The following TBL1X variants were observed in gnomAD, a reference collection of about 807,000 sequenced individuals.
The protein encoded by TBL1X is transducin beta like 1 X-linked.
In TBL1X, 10 loss-of-function variants were observed where a neutral mutation model predicts 50.7. That is an observed-to-expected ratio of 0.20 (90% CI 0.12 to 0.33). TBL1X has a LOEUF of 0.33. TBL1X is among the 10% of genes least tolerant of loss of function. The pLI, the probability that TBL1X is intolerant of heterozygous loss-of-function variation, is 1.00. For synonymous variants in TBL1X, 190 were observed against 214.7 expected (o/e 0.88, Z 1.01); for missense variants, 340 against 504.4 (o/e 0.67, Z 3.12).
chrX:9,703,810 C>G (rs1314062774), intron 12 of TBL1X, among the ~76,000 whole-genome samples: 3 of 112,101 alleles, frequency 2.7e-5, no homozygotes, highest in Non-Finnish European at 5.6e-5. Context: ...CAACCTGCAG[C>G]TGCACATCAG....
chrX:9,638,980 T>C (rs184477934), intron 2 of TBL1X, among the ~76,000 whole-genome samples: 304 of 111,949 alleles, frequency 2.7e-3, no homozygotes, highest in African/African-American at 9.2e-3. Flanking sequence ...CCTGCTTCCC[T>C]GGTGCCCTTT....
chrX:9,571,977 A>G (rs2082388694), intron 2 of TBL1X, among the ~76,000 whole-genome samples: 1 of 112,101 alleles, frequency 8.9e-6, no homozygotes, highest in Non-Finnish European at 1.9e-5. Flanking sequence ...TTGTTTATCC[A>G]TTCATGCATC....
At chrX:9,709,199 C>T in intron 13 of TBL1X, 49 bp from the exon 14 acceptor site, 1 of 1,167,274 alleles carries the variant, frequency 8.6e-7, no homozygotes. Context: ...GTGACCTCAT[C>T]TACTCACAGG....
At chrX:9,661,161 C>T (rs1346596442) in intron 5 of TBL1X, among the ~76,000 whole-genome samples, 2 of 112,690 alleles carry the variant, frequency 1.8e-5, no homozygotes, top group Non-Finnish European at 3.7e-5. Context: ...TGAAGTAGTA[C>T]ATCCACATGC....
intron 5 of TBL1X, among the ~76,000 whole-genome samples, chrX:9,672,087 A>G (rs1438755316): frequency 8.9e-6 from 1 of 112,736 alleles, no homozygotes; most frequent in Non-Finnish European, 1.9e-5. Context: ...TTGTTTAAGT[A>G]TACATCTTGT....
chrX:9,611,630 G>T (rs2082614262), intron 2 of TBL1X, among the ~76,000 whole-genome samples: 1 of 112,312 alleles, frequency 8.9e-6, no homozygotes, highest in Admixed American at 9.4e-5. Context: ...AGGGGATTTA[G>T]TATAACAATA....
At position 9,520,100 on chromosome X, in the gene TBL1X, A is replaced by G. The variant is rs745359273; in HGVS notation, c.-131+18251A>G. Among the ~76,000 whole-genome samples the G allele has an allele frequency of 3.6e-5, 4 of 111,850 alleles. No homozygotes were observed. In the East Asian group the frequency reaches 8.4e-4, roughly 24 times the overall value. On this transcript the variant is annotated intron_variant, in intron 2 of 17. Transcript: ENST00000645353. ...TTACTGTAATCTTCCTTCGTCATTG[A>G]ACGATTTCATCTGCCCCTGGTTTCC...
intron 2 of TBL1X, among the ~76,000 whole-genome samples, chrX:9,523,597 A>C (rs1234158237): frequency 4.5e-5 from 5 of 112,299 alleles, no homozygotes; most frequent in Non-Finnish European, 9.4e-5. Flanking sequence ...GACTCTCTCA[A>C]AACACCAGTG....
At chrX:9,691,548 G>A (rs1248792790) in intron 7 of TBL1X, 31 bp from the exon 8 acceptor site, 1 of 1,204,054 alleles carries the variant, frequency 8.3e-7, no homozygotes, top group East Asian at 3.0e-5. Context: ...GTATTGGTAA[G>A]CCACTTGTCT....
At chrX:9,478,278 C>T (rs1032255636) in intron 1 of TBL1X, among the ~76,000 whole-genome samples, 3 of 110,908 alleles carry the variant, frequency 2.7e-5, no homozygotes, top group Non-Finnish European at 5.7e-5. Context: ...GACCCCAGGG[C>T]ACACACCCCC....
chrX:9,472,524 T>A (rs2081823088), intron 1 of TBL1X, among the ~76,000 whole-genome samples: 1 of 107,850 alleles, frequency 9.3e-6, no homozygotes, highest in Non-Finnish European at 1.9e-5. Flanking sequence ...GCACCTGGAC[T>A]CAAGCAATCT....
intron 2 of TBL1X, among the ~76,000 whole-genome samples, chrX:9,587,672 C>T (rs1012406930): frequency 1.8e-5 from 2 of 111,128 alleles, no homozygotes; most frequent in African/African-American, 3.3e-5. Context: ...ATACAATTCA[C>T]GCATTTGCAG....
chrX:9,608,823 G>A (rs774125196), intron 2 of TBL1X, among the ~76,000 whole-genome samples: 1 of 112,174 alleles, frequency 8.9e-6, no homozygotes, highest in Non-Finnish European at 1.9e-5. Context: ...ACCCAGGTAG[G>A]CAGCTGAGGT....
chrX:9,487,177 C>T (rs1286018844), intron 1 of TBL1X, among the ~76,000 whole-genome samples: 2 of 111,877 alleles, frequency 1.8e-5, no homozygotes, highest in African/African-American at 3.3e-5. Flanking sequence ...ACTCATTCCT[C>T]TAAAGTGTGT....
At chrX:9,511,685 A>C (rs904425568) in intron 2 of TBL1X, among the ~76,000 whole-genome samples, 7 of 112,195 alleles carry the variant, frequency 6.2e-5, no homozygotes, top group African/African-American at 1.9e-4. Flanking sequence ...TTCTCAGTGA[A>C]TTGTGTAGTG....
chrX:9,636,452 G>T (rs1371363655), intron 2 of TBL1X: 1 of 105,098 alleles, frequency 9.5e-6, no homozygotes, highest in Non-Finnish European at 1.9e-5. Context: ...TTAATTTTAT[G>T]TTGTTACTTT....
intron 2 of TBL1X, among the ~76,000 whole-genome samples, chrX:9,557,891 C>CT (rs1392786156): frequency 6.2e-5 from 7 of 112,054 alleles, no homozygotes; most frequent in African/African-American, 2.3e-4. Context: ...CAAAAGTCCT[C>CT]ATTAGCTCAT....
intron 2 of TBL1X, among the ~76,000 whole-genome samples, chrX:9,549,270 G>A (rs1005833997): frequency 8.9e-6 from 1 of 112,415 alleles, no homozygotes; most frequent in Non-Finnish European, 1.9e-5. Flanking sequence ...TCAGCGGCAG[G>A]TTCTGCAAAC....
intron 2 of TBL1X, among the ~76,000 whole-genome samples, chrX:9,618,546 G>A (rs1470464207): frequency 9.0e-6 from 1 of 111,596 alleles, no homozygotes; most frequent in Non-Finnish European, 1.9e-5. Context: ...GGGCATGGTG[G>A]CGCGCCCCTG....
Sources: gnomAD v4.1 joint callset for allele counts (sites outside exome capture counted in the v4.1 genomes callset) on GRCh38, gnomAD v4.1.1 for gene constraint, MANE v1.5 for transcripts, NCBI Gene and HGNC (gene_info 2026-07-23, HGNC 2026-07-21) for gene names.